CEP135: variants seen among roughly 807,000 people sequenced by gnomAD.
CEP135 encodes centrosomal protein of 135 kDa.
In CEP135, 142 loss-of-function variants were observed where a neutral mutation model predicts 157.3. That is an observed-to-expected ratio of 0.90 (90% CI 0.79 to 1.04). The LOEUF (loss-of-function observed/expected upper bound fraction) is 1.04. Ranked by LOEUF, CEP135 falls within the 50% of genes least tolerant of loss-of-function variation. CEP135 has a pLI of 0.00. For missense variants in CEP135, 1,317 were observed against 1,309.2 expected, an observed-to-expected ratio of 1.01 and a Z score of -0.09; for synonymous variants, 396 against 439.8, an observed-to-expected ratio of 0.90 and a Z score of 1.25.
In CEP135 at chr4:56,020,614, C is replaced by T. The variant is rs78354925; in HGVS notation, c.3216-62C>T. ...TCTTCTCTTTATTAATTTAAAAAAC[C>T]CACAGCACCTGACTCTACAAAACGG... On this transcript the variant is annotated intron_variant, in intron 23 of 25. Transcript: ENST00000257287. 2.4e-3 allele frequency: 3,152 copies of T among 1,332,754 alleles called. 111 individuals carry two copies. The East Asian group carries it at 0.065, about 27-fold the overall frequency. 82.6% of individuals were successfully genotyped at this position (1,332,754 alleles called of 1,614,324 possible).
chr4:55,988,688 T>C (rs1577889126), intron 14 of CEP135, among the ~76,000 whole-genome samples: 1 of 139,588 alleles, frequency 7.2e-6, no homozygotes, highest in Non-Finnish European at 1.5e-5. Context: ...CTGGGCGTGG[T>C]GGCTCACGCC....
intron 22 of CEP135, 89 bp from the exon 23 acceptor site, chr4:56,019,264 G>T (rs992169058): frequency 2.4e-5 from 24 of 1,009,284 alleles, no homozygotes; most frequent in Admixed American, 1.7e-4. Context: ...TAGGTGAATA[G>T]TTCCACAGAG....
chr4:55,993,821 T>G (rs537085024), intron 15 of CEP135, among the ~76,000 whole-genome samples: 1 of 152,344 alleles, frequency 6.6e-6, no homozygotes, highest in South Asian at 2.1e-4. Context: ...GTTTTATTTC[T>G]TGTACTACTA....
intron 17 of CEP135, among the ~76,000 whole-genome samples, 194 bp downstream of exon 17, chr4:55,999,839 A>G (rs990230729): frequency 6.6e-6 from 1 of 151,938 alleles, no homozygotes; most frequent in Non-Finnish European, 1.5e-5. Flanking sequence ...ATGAGCCACT[A>G]CTCCTAGCCG....
chr4:56,026,109 G>A lies in CEP135; in HGVS notation c.*11+1495G>A, dbSNP rs113235667. 5.9e-5 allele frequency among the ~76,000 whole-genome samples: 9 copies of A among 152,094 alleles called. No individual in the cohort carries two copies. The East Asian group carries it at 9.7e-4, about 16-fold the overall frequency. ...CTGTAGTCTTAGCTACTTGGGATGC[G>A]GAGGCAGGAGAATTGCTTGAACCCA... On this transcript the variant is annotated intron_variant, in intron 25 of 25. Transcript: ENST00000257287.
intron 19 of CEP135, among the ~76,000 whole-genome samples, chr4:56,010,228 C>T (rs953019089): frequency 1.3e-4 from 19 of 141,592 alleles, no homozygotes; most frequent in African/African-American, 4.1e-4. Flanking sequence ...CCAGGCCTGG[C>T]GGCATGCGCC....
At chr4:55,960,455 A>G (rs1158265562) in intron 6 of CEP135, 1 of 152,226 alleles carries the variant, frequency 6.6e-6, no homozygotes, top group Non-Finnish European at 1.5e-5. Context: ...TTGGGTAATT[A>G]TAGGCTTGTT....
At chr4:55,951,843 T>C (rs370683850) in intron 1 of CEP135, among the ~76,000 whole-genome samples, 2 of 152,222 alleles carry the variant, frequency 1.3e-5, no homozygotes, top group East Asian at 3.8e-4. Flanking sequence ...AGGAAAAATC[T>C]TTGTTTTCTC....
At chr4:56,021,658 C>G (rs1368588511) in intron 24 of CEP135, among the ~76,000 whole-genome samples, 2 of 152,064 alleles carry the variant, frequency 1.3e-5, no homozygotes, top group African/African-American at 4.8e-5. Flanking sequence ...TTATTCTTAC[C>G]TATTTACGTC....
rs1417277997 is a variant in CEP135 at position 56,019,428 on chromosome 4, G to A, written c.3088G>A (p.Val1030Ile). ...KKQLSNERHT[V>I]KNLESLLATN... ...ACAACTTTCAAATGAGAGACATACA[G>A]TTAAAAACCTCGAATCATTGTTGGC... The change falls in exon 23 of 26, where the codon GTT becomes ATT. Residue 1030 changes from valine to isoleucine, a missense_variant. Val to Ile is a conservative substitution (Grantham distance 29). Coordinates refer to ENST00000257287, the MANE Select transcript of CEP135 (RefSeq NM_025009.5). 1 of 1,613,960 alleles carries A rather than the reference G, an allele frequency of 6.2e-7. No individual in the cohort carries two copies.
chr4:55,997,104 T>A (rs1729997136), intron 15 of CEP135, among the ~76,000 whole-genome samples: 1 of 152,206 alleles, frequency 6.6e-6, no homozygotes, highest in South Asian at 2.1e-4. Context: ...CCTAACTTGA[T>A]TCTCAAAATT....
chr4:56,021,987 G>C (rs974793820), intron 24 of CEP135, among the ~76,000 whole-genome samples: 8 of 152,100 alleles, frequency 5.3e-5, no homozygotes, highest in African/African-American at 1.9e-4. Context: ...CTGTGATCGT[G>C]CCACTGCCCT....
At position 55,999,417 on chromosome 4, in the gene CEP135, G is replaced by A. The variant is rs768870552; in HGVS notation, c.2125G>A (p.Asp709Asn). ...AQIKILEEKI[D>N]ELNLKMTSQD... ...AATTAAAATACTGGAGGAAAAGATA[G>A]GTAAATGTTTTAAAATTTTGTTTCT... The change falls in exon 16 of 26, where the codon GAT (aspartate) becomes AAT (asparagine). Residue 709 changes from aspartate (D) to asparagine (N), a missense_variant and splice_region_variant. Coordinates refer to ENST00000257287, the MANE Select transcript of CEP135 (RefSeq NM_025009.5). The A allele has an allele frequency of 3.1e-6, 5 of 1,612,880 alleles. No individual in the cohort carries two copies. Among genetic ancestry groups the A allele is most frequent in the Admixed American group, 1.7e-5 (1 of 59,744 alleles).
chr4:55,951,989 A>C, intron 1 of CEP135, 97 bp from the exon 2 acceptor site: 1 of 497,348 alleles, frequency 2.0e-6, no homozygotes, highest in South Asian at 4.3e-5. Flanking sequence ...AGAAAAACAA[A>C]AAATAATTGC....
chr4:55,992,773 G>C (rs567454660), intron 15 of CEP135, among the ~76,000 whole-genome samples: 1 of 152,160 alleles, frequency 6.6e-6, no homozygotes, highest in Admixed American at 6.5e-5. Flanking sequence ...TGAGAAATAC[G>C]ATAAGTAGAA....
At chr4:55,962,929 C>T (rs1728729814) in intron 6 of CEP135, among the ~76,000 whole-genome samples, 1 of 152,068 alleles carries the variant, frequency 6.6e-6, no homozygotes, top group Non-Finnish European at 1.5e-5. Context: ...ACTCCAGACC[C>T]ATATACCCAC....
rs746898691 is a variant in CEP135 at position 55,999,564 on chromosome 4, TAAAGAA to T, written c.2205_2210del (p.Glu735_Lys736del). 2 of 1,611,400 alleles carry T rather than the reference TAAAGAA, an allele frequency of 1.2e-6. No individual in the cohort carries two copies. The highest frequency in any genetic ancestry group is 1.7e-6 in the Non-Finnish European group (2 of 1,179,488). On this transcript the variant is annotated inframe_deletion, in exon 17 of 26. Coordinates refer to ENST00000257287, the MANE Select transcript of CEP135 (RefSeq NM_025009.5). Reference sequence around the variant, plus strand: ...TGAAAAAGACCATTGGTGTTATTGATAAAGAAAAAGACTTTCTCCAGGAGACTGTAG... The same window carrying T: ...TGAAAAAGACCATTGGTGTTATTGATAAAGACTTTCTCCAGGAGACTGTAG...
At chr4:56,031,022 G>T (rs565043101) in intron 25 of CEP135, among the ~76,000 whole-genome samples, 32 of 152,010 alleles carry the variant, frequency 2.1e-4, no homozygotes, top group Admixed American at 6.6e-5. Context: ...ATGTGCACCT[G>T]CCTGGAGGCT....
intron 17 of CEP135, among the ~76,000 whole-genome samples, chr4:56,003,584 A>G (rs2702329): frequency 0.82 from 124,249 of 152,108 alleles, 51,436 homozygotes; most frequent in African/African-American, 0.95. Context: ...ACTAACTTGG[A>G]GTTTGGTTTG....
Sources: allele counts gnomAD v4.1 joint callset (sites outside exome capture counted in the v4.1 genomes callset), GRCh38; gene constraint gnomAD v4.1.1; transcripts MANE v1.5; gene names NCBI Gene and HGNC (gene_info 2026-07-23, HGNC 2026-07-21).